The following ALPK2 variants were observed in gnomAD, a reference collection of about 807,000 sequenced individuals.
ALPK2 encodes alpha-protein kinase 2.
A neutral mutation model predicts 163.1 loss-of-function variants in ALPK2; 127 were observed. That is an observed-to-expected ratio of 0.78 (90% CI 0.67 to 0.90). The LOEUF is 0.90. Among genes scored for constraint, ALPK2 ranks in the 40% least tolerant of loss-of-function variants. ALPK2 has a pLI of 0.00. For missense variants in ALPK2, 2,360 were observed against 2,589.6 expected (o/e 0.91, Z 1.92); for synonymous variants, 953 against 959.1 (o/e 0.99, Z 0.12).
chr18:58,628,156 T>A (rs1185033655), intron 1 of ALPK2, among the ~76,000 whole-genome samples: 3 of 152,018 alleles, frequency 2.0e-5, no homozygotes, highest in South Asian at 2.1e-4. Flanking sequence ...TTGCCTTAAA[T>A]TTTTTTTTAA....
rs571704835 is a variant in ALPK2, at chr18:58,583,689, C to G, written c.228-3141G>C. ...ATTAGCCAGGCATGGTGATACACACCAGTAGTCCCAGCTACTCCAGCCTGG... is the reference window on the plus strand; with the variant it reads ...ATTAGCCAGGCATGGTGATACACACGAGTAGTCCCAGCTACTCCAGCCTGG... On this transcript the variant is annotated intron_variant, in intron 3 of 12. Coordinates refer to ENST00000361673, the MANE Select transcript of ALPK2 (RefSeq NM_052947.4). Among the ~76,000 whole-genome samples, 25 of 147,050 alleles carry G rather than the reference C, an allele frequency of 1.7e-4. No homozygotes were observed. The South Asian group carries it at 5.3e-3, about 31-fold the overall frequency.
At chr18:58,501,309 G>C (rs12954360) in intron 11 of ALPK2, among the ~76,000 whole-genome samples, 59,488 of 152,100 alleles carry the variant, frequency 0.39, 12,364 homozygotes, top group South Asian at 0.47. Context: ...AAATTAATTC[G>C]CAAGGAGAAA....
At chr18:58,613,768 T>G (rs1382484882) in intron 1 of ALPK2, among the ~76,000 whole-genome samples, 1 of 151,292 alleles carries the variant, frequency 6.6e-6, no homozygotes, top group Non-Finnish European at 1.5e-5. Flanking sequence ...GGCACCCTTC[T>G]GGGCTCAGGG....
chr18:58,565,567 C>T lies in ALPK2; in HGVS notation c.1962+13247G>A, dbSNP rs117988599. 6.1e-3 allele frequency among the ~76,000 whole-genome samples: 932 copies of T among 152,090 alleles called. 10 individuals are homozygous for T. Among genetic ancestry groups the T allele is most frequent in the Non-Finnish European group, 7.4e-3 (504 of 67,978 alleles). On this transcript the variant is annotated intron_variant, in intron 4 of 12. Transcript: ENST00000361673. ...CCTTTTAAAAATAATTCAATTGTTACGGATGTTTTATCTATTTGATTTTTA... is the reference window on the plus strand; with the variant it reads ...CCTTTTAAAAATAATTCAATTGTTATGGATGTTTTATCTATTTGATTTTTA...
chr18:58,559,780 G>A (rs2051816312), intron 4 of ALPK2, among the ~76,000 whole-genome samples: 1 of 152,210 alleles, frequency 6.6e-6, no homozygotes, highest in Admixed American at 6.5e-5. Context: ...AATTTGCACA[G>A]TCTGCGTGAG....
chr18:58,598,452 CA>C (rs1444548175), intron 3 of ALPK2, among the ~76,000 whole-genome samples: 6 of 152,170 alleles, frequency 3.9e-5, no homozygotes, highest in Non-Finnish European at 7.4e-5. Flanking sequence ...ACTCAGGAGG[CA>C]GGGGCAGGAG....
chr18:58,567,042 C>T (rs1451317534), intron 4 of ALPK2, among the ~76,000 whole-genome samples: 1 of 151,696 alleles, frequency 6.6e-6, no homozygotes, highest in Non-Finnish European at 1.5e-5. Flanking sequence ...ATTAAAAATG[C>T]AGGTTCAGGC....
At chr18:58,498,677 C>T (rs1178236841) in intron 11 of ALPK2, among the ~76,000 whole-genome samples, 1 of 152,136 alleles carries the variant, frequency 6.6e-6, no homozygotes. Context: ...GGGGCAGTTT[C>T]CCCCATACTG....
At chr18:58,543,907 C>A (rs922849734) in intron 4 of ALPK2, among the ~76,000 whole-genome samples, 1 of 152,186 alleles carries the variant, frequency 6.6e-6, no homozygotes, top group Non-Finnish European at 1.5e-5. Flanking sequence ...TAAACCTCAC[C>A]TCACCAAGGG....
intron 3 of ALPK2, among the ~76,000 whole-genome samples, chr18:58,583,921 AAAG>A (rs1456207416): frequency 6.6e-6 from 1 of 152,148 alleles, no homozygotes; most frequent in Non-Finnish European, 1.5e-5. Flanking sequence ...GAAAGGAAGA[AAAG>A]AAAAGAAGGC....
At chr18:58,500,014 C>T (rs116524702) in intron 11 of ALPK2, among the ~76,000 whole-genome samples, 2,950 of 152,300 alleles carry the variant, frequency 0.019, 93 homozygotes, top group African/African-American at 0.067. Flanking sequence ...AAACAAAGGA[C>T]GTGTTGGGAT....
intron 4 of ALPK2, among the ~76,000 whole-genome samples, chr18:58,541,789 T>TA (rs1214269615): frequency 1.3e-5 from 2 of 152,162 alleles, no homozygotes; most frequent in African/African-American, 4.8e-5. Context: ...GTGAAGCCTT[T>TA]AACAGCCCAG....
intron 10 of ALPK2, among the ~76,000 whole-genome samples, chr18:58,508,653 A>G (rs1478535519): frequency 6.6e-6 from 1 of 152,212 alleles, no homozygotes; most frequent in Admixed American, 6.5e-5. Context: ...TATATGGTCT[A>G]AAAAGGGGAG....
chr18:58,522,721 G>A (rs1027994572), intron 8 of ALPK2, among the ~76,000 whole-genome samples: 4 of 152,044 alleles, frequency 2.6e-5, no homozygotes, highest in African/African-American at 9.7e-5. Flanking sequence ...CCATGCAGAA[G>A]GGCTGAATGC....
rs146778283 is a variant in ALPK2, at chr18:58,498,075, G to A, written c.6270C>T (p.Asp2090=). ...CTTTAGCCAGCGTTGCTATGCCAAC[G>A]TCAGTTAGCTTCATTCCTACACCTA... ...DMQGVGMKLT[D]VGIATLAKGY... The change falls in exon 12 of 13, where the codon GAC becomes GAT. Residue 2090 remains aspartate (D), a synonymous_variant. Coordinates refer to ENST00000361673, the MANE Select transcript of ALPK2 (RefSeq NM_052947.4). The A allele has an allele frequency of 1.2e-5, 19 of 1,614,086 alleles. No individual in the cohort carries two copies. The highest frequency in any genetic ancestry group is 4.5e-5 in the East Asian group (2 of 44,882).
chr18:58,610,554 C>T (rs1238109304), intron 2 of ALPK2, among the ~76,000 whole-genome samples: 43 of 152,220 alleles, frequency 2.8e-4, no homozygotes, highest in Admixed American at 2.7e-3. Context: ...TTTTTCTCCA[C>T]TGGTCACCCA....
intron 12 of ALPK2, among the ~76,000 whole-genome samples, chr18:58,495,370 C>G (rs1017672777): frequency 3.3e-5 from 5 of 152,168 alleles, no homozygotes; most frequent in Non-Finnish European, 7.3e-5. Context: ...CCTGGCCTCT[C>G]CTTGGGTGGG....
intron 3 of ALPK2, among the ~76,000 whole-genome samples, chr18:58,582,202 C>T (rs766886293): frequency 2.0e-5 from 3 of 152,118 alleles, no homozygotes; most frequent in African/African-American, 4.8e-5. Flanking sequence ...ACAATACCTG[C>T]GCTCCTGTCT....
Position 58,578,974 on chromosome 18 carries a change from T to A in ALPK2, c.1802A>T (p.Glu601Val). The change falls in exon 4 of 13, where the codon GAA becomes GTA. Residue 601 changes from glutamate (E) to valine (V), a missense_variant. Physicochemically the swap from Glu to Val is moderately radical, Grantham distance 121 (BLOSUM62 -2). Coordinates refer to ENST00000361673, the MANE Select transcript of ALPK2 (RefSeq NM_052947.4). ...TGRSSHADAR[E>V]CAISTQAEQE... is the part of the protein sequence containing the mutation. ...CTCTGCCTGGGTTGAAATAGCACAT[T>A]CTCTTGCATCAGCATGGGAACTCCG... 6.2e-7 allele frequency: 1 copy of A among 1,614,144 alleles called. No individual in the cohort carries two copies. The highest frequency in any genetic ancestry group is 1.1e-5 in the South Asian group (1 of 91,074).
Sources: allele counts gnomAD v4.1 joint callset (sites outside exome capture counted in the v4.1 genomes callset), GRCh38; gene constraint gnomAD v4.1.1; transcripts MANE v1.5; gene names NCBI Gene and HGNC (gene_info 2026-07-23, HGNC 2026-07-21).